Variants in IKZF3 observed in about 807,000 individuals in gnomAD.
The protein encoded by IKZF3 is IKAROS family zinc finger 3, also known as zinc finger protein Aiolos.
A neutral mutation model predicts 49.0 loss-of-function variants in IKZF3; 10 were observed. The observed-to-expected ratio is 0.20, with a 90% CI of 0.13 to 0.35. The LOEUF (loss-of-function observed/expected upper bound fraction) is 0.35, where lower values mean the gene tolerates loss of function less well. Ranked by LOEUF, IKZF3 falls within the 10% of genes least tolerant of loss-of-function variation. IKZF3 has a pLI of 1.00. For missense variants in IKZF3, 498 were observed against 664.8 expected, an observed-to-expected ratio of 0.75 and a Z score of 2.76; for synonymous variants, 209 against 228.2, an observed-to-expected ratio of 0.92 and a Z score of 0.76.
At chr17:39,836,106 G>T in intron 1 of IKZF3, 1 of 657,872 alleles carries the variant, frequency 1.5e-6, no homozygotes, top group African/African-American at 1.8e-5. Context: ...ACTTGTTGAG[G>T]GTCTTAATCT....
intron 3 of IKZF3, among the ~76,000 whole-genome samples, chr17:39,805,693 C>A (rs993266950): frequency 6.6e-6 from 1 of 152,170 alleles, no homozygotes; most frequent in African/African-American, 2.4e-5. Context: ...AGGGAATGAG[C>A]TATCTTGTCA....
chr17:39,830,580 A>C (rs2062082314), intron 2 of IKZF3, among the ~76,000 whole-genome samples: 1 of 152,268 alleles, frequency 6.6e-6, no homozygotes, highest in East Asian at 1.9e-4. Context: ...TAATACTAGA[A>C]GAAAAAGGAA....
At chr17:39,856,135 CTT>C (rs1260682793) in intron 1 of IKZF3, among the ~76,000 whole-genome samples, 7 of 150,864 alleles carry the variant, frequency 4.6e-5, no homozygotes, top group African/African-American at 1.5e-4. Context: ...TATAATAACT[CTT>C]TTAAATGCTT....
chr17:39,776,926 G>A (rs953330120), intron 7 of IKZF3, among the ~76,000 whole-genome samples: 1 of 152,188 alleles, frequency 6.6e-6, no homozygotes, highest in African/African-American at 2.4e-5. Flanking sequence ...TAGCAAAACT[G>A]ATACATTCAA....
chr17:39,859,913 T>C (rs921353416), intron 1 of IKZF3, among the ~76,000 whole-genome samples: 1 of 152,154 alleles, frequency 6.6e-6, no homozygotes, highest in Non-Finnish European at 1.5e-5. Flanking sequence ...GAACTATAGC[T>C]TGACATATGA....
intron 7 of IKZF3, among the ~76,000 whole-genome samples, chr17:39,772,245 A>C (rs2060462977): frequency 6.6e-6 from 1 of 152,200 alleles, no homozygotes; most frequent in African/African-American, 2.4e-5. Context: ...ATTTGATTCC[A>C]CTGGGAGCCA....
intron 3 of IKZF3, among the ~76,000 whole-genome samples, chr17:39,806,335 C>T (rs2061431219): frequency 6.6e-6 from 1 of 152,206 alleles, no homozygotes; most frequent in African/African-American, 2.4e-5. Context: ...AAATATCCTG[C>T]AACTCAGTAA....
In IKZF3 at chr17:39,761,046, G is replaced by A. The variant is rs1189545226; in HGVS notation, c.*4744C>T. 2 of 152,248 alleles carry A rather than the reference G, an allele frequency of 1.3e-5. No homozygotes were observed. The highest frequency in any genetic ancestry group is 4.8e-5 in the African/African-American group (2 of 41,442). 9.4% of individuals were successfully genotyped at this position (152,248 alleles called of 1,614,324 possible). A position where few individuals can be genotyped will look rare whatever the true frequency, so the allele number is the denominator to read the frequency against. On this transcript the variant is annotated 3_prime_UTR_variant, in exon 8 of 8. Transcript: ENST00000346872. ...GGTGTGCCTATAGTCCCAGCTACTTGGGAGGCTGAGGTAGGAGGATTGTTT... is the reference window on the plus strand; with the variant it reads ...GGTGTGCCTATAGTCCCAGCTACTTAGGAGGCTGAGGTAGGAGGATTGTTT...
chr17:39,845,180 A>G lies in IKZF3; in HGVS notation c.8-13029T>C, dbSNP rs1215869702. 4.6e-5 allele frequency among the ~76,000 whole-genome samples: 7 copies of G among 152,198 alleles called. 1 individual carries two copies. The East Asian group carries it at 1.3e-3, about 29-fold the overall frequency. On this transcript the variant is annotated intron_variant, in intron 1 of 7. Coordinates refer to ENST00000346872, the MANE Select transcript of IKZF3 (RefSeq NM_012481.5). ...TAAATGGTTTTTAAAAATCAGAAGA[A>G]TACACTTGAACATTTTACAAAATTC...
intron 3 of IKZF3, among the ~76,000 whole-genome samples, chr17:39,820,609 G>A (rs1187741330): frequency 6.6e-6 from 1 of 152,136 alleles, no homozygotes; most frequent in East Asian, 1.9e-4. Context: ...GTATTGTTTT[G>A]CTTTGTTTTG....
chr17:39,773,414 T>G (rs2060494284), intron 7 of IKZF3, among the ~76,000 whole-genome samples: 1 of 152,230 alleles, frequency 6.6e-6, no homozygotes, highest in South Asian at 2.1e-4. Context: ...ATACTTTTTT[T>G]TCTCTTAGAA....
chr17:39,827,719 C>A (rs2079337369), intron 3 of IKZF3, among the ~76,000 whole-genome samples: 1 of 152,208 alleles, frequency 6.6e-6, no homozygotes, highest in African/African-American at 2.4e-5. Flanking sequence ...AGATATTGCA[C>A]CAATTTGAAT....
chr17:39,840,494 C>G (rs774230110), intron 1 of IKZF3, among the ~76,000 whole-genome samples: 1 of 152,108 alleles, frequency 6.6e-6, no homozygotes, highest in Non-Finnish European at 1.5e-5. Context: ...AGGTACTATT[C>G]CATTACAGAA....
At chr17:39,859,013 T>G (rs1170174012) in intron 1 of IKZF3, among the ~76,000 whole-genome samples, 1 of 152,060 alleles carries the variant, frequency 6.6e-6, no homozygotes, top group African/African-American at 2.4e-5. Context: ...CTCACCATGT[T>G]GCCCAGGCTG....
intron 1 of IKZF3, among the ~76,000 whole-genome samples, chr17:39,837,098 T>TA (rs2062309843): frequency 3.3e-5 from 5 of 151,674 alleles, no homozygotes; most frequent in Non-Finnish European, 7.4e-5. Flanking sequence ...CCTGGCTAAT[T>TA]TAAAAAAAAT....
chr17:39,797,205 C>T (rs909655869), intron 3 of IKZF3, among the ~76,000 whole-genome samples: 4 of 151,776 alleles, frequency 2.6e-5, no homozygotes, highest in African/African-American at 9.7e-5. Flanking sequence ...ATGCTTACTG[C>T]CTCTACAGCC....
rs187934491 is a variant in IKZF3, at chr17:39,850,833, T to C, written c.7+13287A>G. 1.2e-3 allele frequency among the ~76,000 whole-genome samples: 114 copies of C among 91,322 alleles called. 1 individual carries two copies. In the East Asian group the frequency reaches 0.026, roughly 21 times the overall value. 59.9% of individuals were successfully genotyped at this position (91,322 alleles called of 152,430 possible). On this transcript the variant is annotated intron_variant, in intron 1 of 7. Coordinates refer to ENST00000346872, the MANE Select transcript of IKZF3 (RefSeq NM_012481.5). Reference sequence around the variant, plus strand: ...ATATATACATATATAATATGCTATATAGTATATATAATATATAATATGCTC... The same window carrying C: ...ATATATACATATATAATATGCTATACAGTATATATAATATATAATATGCTC...
intron 1 of IKZF3, among the ~76,000 whole-genome samples, chr17:39,845,117 T>C (rs969091264): frequency 4.6e-5 from 7 of 152,244 alleles, no homozygotes; most frequent in Admixed American, 6.5e-5. Context: ...CTGCCTGTTA[T>C]TGTACTGCCT....
intron 1 of IKZF3, among the ~76,000 whole-genome samples, chr17:39,856,018 AT>A (rs1342516262): frequency 6.7e-6 from 1 of 148,222 alleles, no homozygotes; most frequent in Non-Finnish European, 1.5e-5. Flanking sequence ...TAACATGTAT[AT>A]TGTATATGTA....
Sources: gnomAD v4.1 joint callset for allele counts (sites outside exome capture counted in the v4.1 genomes callset) on GRCh38, gnomAD v4.1.1 for gene constraint, MANE v1.5 for transcripts, NCBI Gene and HGNC (gene_info 2026-07-23, HGNC 2026-07-21) for gene names.